CSMD1: variants seen among roughly 807,000 people sequenced by gnomAD.
The protein encoded by CSMD1 is CUB and sushi domain-containing protein 1.
CSMD1 carries 213 observed loss-of-function variants against 417.5 expected under a neutral mutation model. The observed-to-expected ratio is 0.51, with a 90% CI of 0.46 to 0.57. CSMD1 has a LOEUF of 0.57. Ranked by LOEUF, CSMD1 falls within the 20% of genes least tolerant of loss-of-function variation. CSMD1 has a pLI of 0.00. For synonymous variants in CSMD1, 2,862 were observed against 1,736.8 expected, an observed-to-expected ratio of 1.65 and a Z score of -16.11; for missense variants, 6,923 against 4,529.7, an observed-to-expected ratio of 1.53 and a Z score of -15.17.
intron 10 of CSMD1, among the ~76,000 whole-genome samples, chr8:3,508,444 C>G (rs1796926535): frequency 6.6e-6 from 1 of 151,446 alleles, no homozygotes; most frequent in African/African-American, 2.4e-5. Flanking sequence ...CAACATGGCA[C>G]ATGTATACAT....
intron 3 of CSMD1, among the ~76,000 whole-genome samples, chr8:4,075,687 C>T (rs1394308811): frequency 6.6e-6 from 1 of 152,124 alleles, no homozygotes; most frequent in African/African-American, 2.4e-5. Flanking sequence ...GCACTGGATT[C>T]ATTTTATAGA....
chr8:4,076,363 A>T (rs991999874), intron 3 of CSMD1, among the ~76,000 whole-genome samples: 3 of 152,152 alleles, frequency 2.0e-5, no homozygotes, highest in African/African-American at 7.2e-5. Context: ...TTTCCTTTAA[A>T]AGTTACCCTG....
intron 1 of CSMD1, among the ~76,000 whole-genome samples, chr8:4,819,630 A>G (rs1265729643): frequency 6.6e-6 from 1 of 152,190 alleles, no homozygotes; most frequent in Non-Finnish European, 1.5e-5. Flanking sequence ...GGAATATCAA[A>G]TACTCCATCA....
At chr8:3,544,798 G>C (rs918436815) in intron 10 of CSMD1, among the ~76,000 whole-genome samples, 1 of 152,036 alleles carries the variant, frequency 6.6e-6, no homozygotes, top group Admixed American at 6.5e-5. Context: ...TCTCTAATGA[G>C]AAAAGATATG....
At chr8:3,818,124 C>T (rs923633065) in intron 5 of CSMD1, among the ~76,000 whole-genome samples, 1 of 152,076 alleles carries the variant, frequency 6.6e-6, no homozygotes, top group Admixed American at 6.5e-5. Flanking sequence ...GCCCAGGACC[C>T]AAAGAGAGTT....
intron 21 of CSMD1, among the ~76,000 whole-genome samples, chr8:3,353,171 G>T (rs912841844): frequency 6.6e-6 from 1 of 152,196 alleles, no homozygotes. Context: ...TAATAACCTT[G>T]TGATTCCAAG....
intron 26 of CSMD1, among the ~76,000 whole-genome samples, chr8:3,269,320 G>T (rs1259904859): frequency 6.6e-6 from 1 of 152,210 alleles, no homozygotes; most frequent in African/African-American, 2.4e-5. Context: ...GAGCAGAGGG[G>T]AGCGATGGCT....
intron 1 of CSMD1, among the ~76,000 whole-genome samples, chr8:4,730,630 A>G (rs1181511642): frequency 6.6e-6 from 1 of 151,952 alleles, no homozygotes; most frequent in Non-Finnish European, 1.5e-5. Context: ...AGTCCCAGCT[A>G]CTCGGGAGGC....
chr8:3,295,448 T>A (rs139697276), intron 25 of CSMD1, among the ~76,000 whole-genome samples: 46 of 152,286 alleles, frequency 3.0e-4, no homozygotes, highest in Middle Eastern at 6.8e-3. Flanking sequence ...TGTACTATTA[T>A]GGGAGAGACC....
intron 10 of CSMD1, among the ~76,000 whole-genome samples, chr8:3,504,806 TA>T (rs1796754634): frequency 6.6e-6 from 1 of 151,948 alleles, no homozygotes; most frequent in Non-Finnish European, 1.5e-5. Context: ...GCTTGAGGAG[TA>T]AGGTGAGATT....
intron 1 of CSMD1, among the ~76,000 whole-genome samples, chr8:4,917,141 G>A (rs957583077): frequency 6.6e-6 from 1 of 152,210 alleles, no homozygotes; most frequent in Admixed American, 6.5e-5. Flanking sequence ...GAAAGGGAAA[G>A]TTGGCATGTC....
At chr8:3,710,321 C>T (rs1801436358) in intron 6 of CSMD1, among the ~76,000 whole-genome samples, 1 of 152,150 alleles carries the variant, frequency 6.6e-6, no homozygotes, top group Admixed American at 6.5e-5. Context: ...CAGGCACACA[C>T]ACATACCCAC....
intron 3 of CSMD1, among the ~76,000 whole-genome samples, chr8:4,045,846 A>T (rs779540076): frequency 2.0e-5 from 3 of 151,710 alleles, no homozygotes; most frequent in African/African-American, 7.3e-5. Flanking sequence ...TTTCTTTCAG[A>T]CTCTGGCACT....
chr8:4,642,416 G>T (rs1444394577), intron 1 of CSMD1, among the ~76,000 whole-genome samples: 1 of 152,150 alleles, frequency 6.6e-6, no homozygotes, highest in Non-Finnish European at 1.5e-5. Context: ...CCTCTCCCGG[G>T]CTGTTGCTCT....
intron 1 of CSMD1, among the ~76,000 whole-genome samples, chr8:4,903,246 T>A (rs1805014572): frequency 6.6e-6 from 1 of 152,190 alleles, no homozygotes; most frequent in African/African-American, 2.4e-5. Flanking sequence ...CAGCCAGACT[T>A]AGTGTGTCAT....
chr8:3,804,456 T>G (rs1303638544), intron 5 of CSMD1, among the ~76,000 whole-genome samples: 1 of 152,174 alleles, frequency 6.6e-6, no homozygotes, highest in African/African-American at 2.4e-5. Flanking sequence ...TTGACATGAC[T>G]TACTATAATG....
intron 3 of CSMD1, among the ~76,000 whole-genome samples, chr8:4,249,726 G>A (rs1036520027): frequency 4.6e-5 from 7 of 152,274 alleles, no homozygotes; most frequent in East Asian, 1.9e-4. Flanking sequence ...CTCAGCAGAA[G>A]TAGCTCAGTA....
chr8:2,997,696 A>G (rs1411216890), intron 54 of CSMD1, among the ~76,000 whole-genome samples: 2 of 152,244 alleles, frequency 1.3e-5, no homozygotes, highest in African/African-American at 4.8e-5. Flanking sequence ...TTAGAAGCAT[A>G]ATGGCCCCCA....
rs150546399 is a variant in CSMD1 at position 4,369,009 on chromosome 8, G to A, written c.415+50944C>T. ...CTATGTTTGGGGATGGTTTGCTCTG[G>A]TTTTTCTAGTTCCTCTAGGTTTGAT... On this transcript the variant is annotated intron_variant, in intron 3 of 69. Coordinates refer to ENST00000635120, the MANE Select transcript of CSMD1 (RefSeq NM_033225.6). 2.0e-5 allele frequency among the ~76,000 whole-genome samples: 3 copies of A among 152,048 alleles called. No individual in the cohort carries two copies. The East Asian group carries it at 5.8e-4, about 29-fold the overall frequency.
Sources: gnomAD v4.1 joint callset for allele counts (sites outside exome capture counted in the v4.1 genomes callset) on GRCh38, gnomAD v4.1.1 for gene constraint, MANE v1.5 for transcripts, NCBI Gene and HGNC (gene_info 2026-07-23, HGNC 2026-07-21) for gene names.